The following RASGEF1A variants were observed in gnomAD, a reference collection of about 807,000 sequenced individuals.
RASGEF1A encodes the protein ras-GEF domain-containing family member 1A.
Under a neutral mutation model 56.4 loss-of-function variants are expected in RASGEF1A, and 18 were observed. The observed-to-expected ratio is 0.32, with a 90% CI of 0.22 to 0.47. The LOEUF (loss-of-function observed/expected upper bound fraction) is 0.47, where lower values mean the gene tolerates loss of function less well. Ranked by LOEUF, RASGEF1A falls within the 20% of genes least tolerant of loss-of-function variation. RASGEF1A has a pLI of 1.00. For synonymous variants in RASGEF1A, 245 were observed against 242.6 expected (o/e 1.01, Z -0.09); for missense variants, 422 against 627.1 (o/e 0.67, Z 3.49).
intron 1 of RASGEF1A, among the ~76,000 whole-genome samples, chr10:43,223,440 C>G (rs1021630682): frequency 6.6e-6 from 1 of 152,104 alleles, no homozygotes; most frequent in Non-Finnish European, 1.5e-5. Context: ...AGAAAAATAA[C>G]CTTTATAGGA....
chr10:43,211,740 C>T (rs978245958), intron 1 of RASGEF1A, among the ~76,000 whole-genome samples: 7 of 152,200 alleles, frequency 4.6e-5, no homozygotes, highest in Non-Finnish European at 8.8e-5. Flanking sequence ...CACACCCCCG[C>T]ACACCTGAGT....
At chr10:43,253,694 A>C (rs567631253) in intron 1 of RASGEF1A, among the ~76,000 whole-genome samples, 68 of 152,298 alleles carry the variant, frequency 4.5e-4, no homozygotes, top group Non-Finnish European at 7.6e-4. Flanking sequence ...CGGGGACCTC[A>C]AGGAATGAGA....
At chr10:43,229,818 G>C in intron 1 of RASGEF1A, 2 of 1,102,612 alleles carry the variant, frequency 1.8e-6, no homozygotes, top group Non-Finnish European at 2.3e-6. Context: ...GAGGGGCTGG[G>C]CTGGGGACCG....
At chr10:43,220,201 A>G (rs1840189500) in intron 1 of RASGEF1A, among the ~76,000 whole-genome samples, 1 of 152,214 alleles carries the variant, frequency 6.6e-6, no homozygotes, top group African/African-American at 2.4e-5. Context: ...TGTGGTCCTT[A>G]GGGTCTCAAA....
At chr10:43,257,888 G>A (rs1176787052) in intron 1 of RASGEF1A, among the ~76,000 whole-genome samples, 3 of 152,238 alleles carry the variant, frequency 2.0e-5, no homozygotes, top group Non-Finnish European at 4.4e-5. Context: ...CACCATCCAG[G>A]CAGCCAGTGC....
At chr10:43,203,778 AGCT>A in intron 2 of RASGEF1A, 1 of 1,040,330 alleles carries the variant, frequency 9.6e-7, no homozygotes, top group Non-Finnish European at 1.2e-6. Flanking sequence ...GATGCAAGCC[AGCT>A]GCTGTTTCAG....
At position 43,197,182 on chromosome 10, in the gene RASGEF1A, C is replaced by T. The variant is rs140116674; in HGVS notation, c.1225-83G>A. On this transcript the variant is annotated intron_variant, in intron 10 of 12. Transcript: ENST00000395810. ...TCAGGGCAGGGGACGTAGGTTTTGG[C>T]CTCAGCCTCCTGCTCACTTCACTGG... 4.3e-3 allele frequency: 6,418 copies of T among 1,491,974 alleles called. 25 individuals are homozygous for T. Among genetic ancestry groups the T allele is most frequent in the Non-Finnish European group, 5.5e-3 (6,020 of 1,099,212 alleles). The allele number at this position is 1,491,974 out of a possible 1,614,324, so 92.4% of individuals were successfully genotyped here.
intron 1 of RASGEF1A, among the ~76,000 whole-genome samples, chr10:43,254,621 G>A (rs1879298): frequency 0.21 from 31,752 of 152,148 alleles, 3,557 homozygotes; most frequent in Admixed American, 0.26. Context: ...GGCCTCAGCT[G>A]CTGGCAGAAG....
intron 1 of RASGEF1A, among the ~76,000 whole-genome samples, chr10:43,242,913 T>C (rs936016566): frequency 9.2e-5 from 14 of 152,190 alleles, no homozygotes; most frequent in African/African-American, 3.4e-4. Context: ...TGCCTTGGCC[T>C]CCCAAAGTGC....
At chr10:43,258,090 C>T (rs541070790) in intron 1 of RASGEF1A, among the ~76,000 whole-genome samples, 26 of 152,376 alleles carry the variant, frequency 1.7e-4, no homozygotes, top group African/African-American at 6.0e-4. Flanking sequence ...CAGGCGAAAG[C>T]TGCCTCTATA....
At chr10:43,227,819 C>T (rs967949118) in intron 1 of RASGEF1A, among the ~76,000 whole-genome samples, 4 of 152,118 alleles carry the variant, frequency 2.6e-5, no homozygotes, top group Non-Finnish European at 5.9e-5. Flanking sequence ...GCAACACCCT[C>T]CTTCCTGCGC....
rs139592311 is a variant in RASGEF1A at position 43,201,883 on chromosome 10, G to T, written c.384C>A (p.Phe128Leu). The change falls in exon 4 of 13, where the codon TTC (phenylalanine) becomes TTA (leucine). Residue 128 changes from phenylalanine to leucine, a missense_variant. Phe to Leu is a conservative substitution (Grantham distance 22). This residue lies in a region of RASGEF1A where 273 missense variants were observed against 339.9 expected (regional missense o/e 0.80). Coordinates refer to ENST00000395810, the MANE Select transcript of RASGEF1A (RefSeq NM_145313.4). ...VQLLKEWTEA[F>L]PYDFQDEKAM... ...CCTTCTCATCCTGGAAGTCATAGGG[G>T]AAGGCCTCGGTCCACTCCTTCAGGA... 6.2e-7 allele frequency: 1 copy of T among 1,612,096 alleles called. No individual in the cohort carries two copies. Among genetic ancestry groups the T allele is most frequent in the Non-Finnish European group, 8.5e-7 (1 of 1,179,008 alleles).
chr10:43,255,913 G>A (rs1300804347), intron 1 of RASGEF1A, among the ~76,000 whole-genome samples: 1 of 152,190 alleles, frequency 6.6e-6, no homozygotes, highest in Non-Finnish European at 1.5e-5. Flanking sequence ...CTAGAGTGGG[G>A]GTGCAGTGTG....
intron 1 of RASGEF1A, among the ~76,000 whole-genome samples, chr10:43,241,370 T>G (rs192986386): frequency 6.6e-6 from 1 of 152,224 alleles, no homozygotes; most frequent in African/African-American, 2.4e-5. Context: ...AAATGTAAAT[T>G]TTATGGCAGT....
chr10:43,204,718 G>A (rs1265176508), intron 2 of RASGEF1A, among the ~76,000 whole-genome samples: 1 of 152,230 alleles, frequency 6.6e-6, no homozygotes, highest in Non-Finnish European at 1.5e-5. Context: ...ATGCCCAACT[G>A]GAGTCTCGTG....
chr10:43,213,799 G>A (rs1840098903), intron 1 of RASGEF1A, among the ~76,000 whole-genome samples: 1 of 150,222 alleles, frequency 6.7e-6, no homozygotes, highest in African/African-American at 2.5e-5. Context: ...GCTAATGTTT[G>A]TATTTTTTAG....
chr10:43,258,492 C>T (rs906084747), intron 1 of RASGEF1A, among the ~76,000 whole-genome samples: 4 of 152,250 alleles, frequency 2.6e-5, no homozygotes, highest in South Asian at 2.1e-4. Flanking sequence ...TGCCACTCTG[C>T]GCTTGACACC....
At chr10:43,206,229 G>GCTGCCCCAGGCTAT in intron 1 of RASGEF1A, 107 bp from the exon 2 acceptor site, 1 of 960,660 alleles carries the variant, frequency 1.0e-6, no homozygotes, top group South Asian at 1.6e-5. Flanking sequence ...AGGGGTGCGT[G>GCTGCCCCAGGCTAT]GCAGGGGCGC....
chr10:43,248,272 C>T (rs1342040480), intron 1 of RASGEF1A, among the ~76,000 whole-genome samples: 2 of 150,178 alleles, frequency 1.3e-5, no homozygotes, highest in Non-Finnish European at 1.5e-5. Flanking sequence ...CAGAGACTCG[C>T]TTGAACCTGG....
Sources: gnomAD v4.1 joint callset for allele counts (sites outside exome capture counted in the v4.1 genomes callset) on GRCh38, gnomAD v4.1.1 for gene constraint, gnomAD v4.1.1 regional missense constraint, MANE v1.5 for transcripts, NCBI Gene and HGNC (gene_info 2026-07-23, HGNC 2026-07-21) for gene names.